XIRP2: variants seen among roughly 807,000 people sequenced by gnomAD.
The protein encoded by XIRP2 is xin actin binding repeat containing 2.
XIRP2 carries 236 observed loss-of-function variants against 277.0 expected under a neutral mutation model. The ratio of observed to expected loss-of-function variants is 0.85; its 90% CI spans 0.77 to 0.95. XIRP2 has a LOEUF of 0.95. XIRP2 is among the 40% of genes least tolerant of loss of function. The pLI, the probability that XIRP2 is intolerant of heterozygous loss-of-function variation, is 0.00. For synonymous variants in XIRP2, 1,490 were observed against 1,416.5 expected, an observed-to-expected ratio of 1.05 and a Z score of -1.17; for missense variants, 4,640 against 4,157.5, an observed-to-expected ratio of 1.12 and a Z score of -3.19.
At chr2:167,157,403 G>A (rs866085283) in intron 3 of XIRP2, among the ~76,000 whole-genome samples, 1 of 151,998 alleles carries the variant, frequency 6.6e-6, no homozygotes, top group African/African-American at 2.4e-5. Flanking sequence ...ATGTTCTAGG[G>A]ATGTTCCTAG....
chr2:167,199,270 A>C (rs1234945852), intron 3 of XIRP2, among the ~76,000 whole-genome samples: 1 of 152,216 alleles, frequency 6.6e-6, no homozygotes, highest in African/African-American at 2.4e-5. Context: ...TAAGGTAATA[A>C]TCAGTAAATG....
At chr2:167,023,947 T>G (rs1159184301) in intron 2 of XIRP2, among the ~76,000 whole-genome samples, 1 of 152,176 alleles carries the variant, frequency 6.6e-6, no homozygotes, top group Non-Finnish European at 1.5e-5. Flanking sequence ...GGGCTCTTTT[T>G]TGGTTCCATA....
At chr2:167,118,582 C>T (rs201951459) in intron 2 of XIRP2, among the ~76,000 whole-genome samples, 3 of 151,976 alleles carry the variant, frequency 2.0e-5, no homozygotes, top group South Asian at 2.1e-4. Flanking sequence ...CGCCTTTTAC[C>T]GTTCGAGTAC....
intron 3 of XIRP2, among the ~76,000 whole-genome samples, chr2:167,147,095 A>G (rs983674498): frequency 2.6e-5 from 4 of 152,236 alleles, no homozygotes; most frequent in African/African-American, 9.6e-5. Context: ...ATAAACCTTC[A>G]TTAAAGGAAA....
intron 2 of XIRP2, among the ~76,000 whole-genome samples, chr2:166,939,768 A>G (rs911732818): frequency 4.0e-5 from 6 of 151,810 alleles, no homozygotes; most frequent in Non-Finnish European, 8.8e-5. Flanking sequence ...AACGTTGAAT[A>G]TTGGCCCCCA....
At chr2:167,108,061 A>G (rs1240068023) in intron 2 of XIRP2, among the ~76,000 whole-genome samples, 2 of 151,812 alleles carry the variant, frequency 1.3e-5, no homozygotes, top group Non-Finnish European at 2.9e-5. Context: ...ACTATTTCAT[A>G]TTGAATACAT....
At chr2:166,979,884 A>G (rs1053964438) in intron 2 of XIRP2, among the ~76,000 whole-genome samples, 17 of 132,062 alleles carry the variant, frequency 1.3e-4, no homozygotes, top group African/African-American at 5.1e-4. Context: ...ATGTTGGCCT[A>G]AAAAGTGAAT....
chr2:167,197,994 C>T (rs1276416144), intron 3 of XIRP2, among the ~76,000 whole-genome samples: 1 of 152,080 alleles, frequency 6.6e-6, no homozygotes, highest in African/African-American at 2.4e-5. Flanking sequence ...AGCATAAATG[C>T]GTTCTTCCAT....
intron 2 of XIRP2, among the ~76,000 whole-genome samples, chr2:166,987,270 A>G (rs1297871089): frequency 6.6e-6 from 1 of 152,210 alleles, no homozygotes; most frequent in East Asian, 1.9e-4. Context: ...CATTGCCTAC[A>G]TAAGGGCTGG....
intron 2 of XIRP2, among the ~76,000 whole-genome samples, chr2:166,985,962 T>C (rs1686993860): frequency 6.6e-6 from 1 of 152,172 alleles, no homozygotes; most frequent in African/African-American, 2.4e-5. Context: ...GTGGTCTAAA[T>C]TGAGAGAAGC....
At chr2:166,962,773 A>G (rs931647486) in intron 2 of XIRP2, among the ~76,000 whole-genome samples, 7 of 151,762 alleles carry the variant, frequency 4.6e-5, no homozygotes, top group African/African-American at 1.7e-4. Context: ...AAATTGCTCA[A>G]GCATTTTATC....
chr2:167,008,686 A>G (rs950937752), intron 2 of XIRP2, among the ~76,000 whole-genome samples: 8 of 151,738 alleles, frequency 5.3e-5, no homozygotes. Context: ...CTGTGAAAAC[A>G]TAAACTGCTT....
chr2:167,096,569 G>C (rs1200117497), intron 2 of XIRP2, among the ~76,000 whole-genome samples: 4 of 151,984 alleles, frequency 2.6e-5, no homozygotes, highest in Non-Finnish European at 4.4e-5. Flanking sequence ...TTTGATCTTA[G>C]TTATTTCTTG....
At chr2:167,001,041 T>TA (rs1250584627) in intron 2 of XIRP2, among the ~76,000 whole-genome samples, 2 of 152,082 alleles carry the variant, frequency 1.3e-5, no homozygotes, top group Non-Finnish European at 2.9e-5. Flanking sequence ...CTCCATTTCT[T>TA]AAAAAATAAG....
intron 5 of XIRP2, among the ~76,000 whole-genome samples, chr2:167,234,816 T>A (rs1694855220): frequency 6.6e-6 from 1 of 151,836 alleles, no homozygotes; most frequent in Non-Finnish European, 1.5e-5. Flanking sequence ...AAAATGAAGA[T>A]AAATAATTGT....
At chr2:167,184,389 G>C (rs1316168162) in intron 3 of XIRP2, among the ~76,000 whole-genome samples, 1 of 152,072 alleles carries the variant, frequency 6.6e-6, no homozygotes, top group Non-Finnish European at 1.5e-5. Flanking sequence ...GCTTTGTTTG[G>C]CCTTACGATT....
At position 167,128,888 on chromosome 2, in the gene XIRP2, G is replaced by T. The variant is rs575938537; in HGVS notation, c.409-7021G>T. 2.0e-5 allele frequency among the ~76,000 whole-genome samples: 3 copies of T among 152,076 alleles called. 1 individual carries two copies. The South Asian group carries it at 6.2e-4, about 32-fold the overall frequency. ...GCATCTTAATCATTTTTGTAGTTATGGTGCCTAAAACATTTCTTGAGATAG... is the reference window on the plus strand; with the variant it reads ...GCATCTTAATCATTTTTGTAGTTATTGTGCCTAAAACATTTCTTGAGATAG... On this transcript the variant is annotated intron_variant, in intron 2 of 10. Transcript: ENST00000409195.
chr2:167,210,542 G>C (rs1693994079), intron 3 of XIRP2, among the ~76,000 whole-genome samples, 193 bp from the exon 4 acceptor site: 1 of 152,138 alleles, frequency 6.6e-6, no homozygotes, highest in Non-Finnish European at 1.5e-5. Flanking sequence ...CTAAGTTTAT[G>C]CTGTTATACA....
At chr2:167,187,536 G>T in intron 3 of XIRP2, 3 of 984,990 alleles carry the variant, frequency 3.0e-6, no homozygotes, top group Non-Finnish European at 3.6e-6. Context: ...TAAAAGGTAA[G>T]TGTAATATAG....
Sources: allele counts gnomAD v4.1 joint callset (sites outside exome capture counted in the v4.1 genomes callset), GRCh38; gene constraint gnomAD v4.1.1; transcripts MANE v1.5; gene names NCBI Gene and HGNC (gene_info 2026-07-23, HGNC 2026-07-21).